The following ZFAND6 variants were observed in gnomAD, a reference collection of about 807,000 sequenced individuals.
ZFAND6 encodes zinc finger AN1-type containing 6.
Under a neutral mutation model 24.5 loss-of-function variants are expected in ZFAND6, and 12 were observed. The ratio of observed to expected loss-of-function variants is 0.49; its 90% CI spans 0.31 to 0.79. ZFAND6 has a LOEUF of 0.79. Ranked by LOEUF, ZFAND6 falls within the 30% of genes least tolerant of loss-of-function variation. ZFAND6 has a pLI of 0.04. For synonymous variants in ZFAND6, 92 were observed against 81.5 expected (o/e 1.13, Z -0.69); for missense variants, 207 against 245.9 (o/e 0.84, Z 1.06).
At chr15:80,076,750 C>G (rs996466729) in intron 1 of ZFAND6, among the ~76,000 whole-genome samples, 5 of 152,190 alleles carry the variant, frequency 3.3e-5, no homozygotes, top group African/African-American at 1.2e-4. Context: ...CCTTTACACA[C>G]TGAGCTGTGT....
rs139385200 is a variant in ZFAND6 at position 80,119,585 on chromosome 15, TA to T, written c.-17-734del. 5.6e-3 allele frequency among the ~76,000 whole-genome samples: 844 copies of T among 151,432 alleles called. 6 individuals are homozygous for T. Among genetic ancestry groups the T allele is most frequent in the African/African-American group, 0.019 (777 of 41,356 alleles). ...TTGTCATTTATATATCATGCTTTTTTAAAAAAAAACTGCATACATTCTAATG... is the reference window on the plus strand; with the variant it reads ...TTGTCATTTATATATCATGCTTTTTTAAAAAAAACTGCATACATTCTAATG... On this transcript the variant is annotated intron_variant, in intron 2 of 6. Transcript: ENST00000261749.
rs763380603 is a variant in ZFAND6, at chr15:80,120,328, G to A, written c.-17G>A. The A allele has an allele frequency of 6.5e-7, 1 of 1,532,348 alleles. No individual in the cohort carries two copies. The highest frequency in any genetic ancestry group is 1.9e-5 in the Admixed American group (1 of 51,328). 94.9% of individuals were successfully genotyped at this position (1,532,348 alleles called of 1,614,324 possible). On this transcript the variant is annotated splice_region_variant and 5_prime_UTR_variant, in exon 3 of 7. It adds an upstream start codon to the 5' untranslated region. Coordinates refer to ENST00000261749, the MANE Select transcript of ZFAND6 (RefSeq NM_019006.4). The stretch of plus-strand genomic sequence containing the variant: ...TTTGCTAATTTTATGTAATTTTCAG[G>A]TGTGCAACTGAGGAACATGGCTCAA...
intron 6 of ZFAND6, 102 bp from the exon 7 acceptor site, chr15:80,137,378 T>C: frequency 7.7e-7 from 1 of 1,305,810 alleles, no homozygotes; most frequent in East Asian, 2.7e-5. Flanking sequence ...TTCTTTAGTT[T>C]ACATTGCTGC....
At chr15:80,077,429 A>G (rs569599488) in intron 1 of ZFAND6, among the ~76,000 whole-genome samples, 145 of 152,306 alleles carry the variant, frequency 9.5e-4, no homozygotes, top group African/African-American at 3.3e-3. Context: ...CCTCTGTGCC[A>G]TTCCCCCTCT....
chr15:80,125,014 T>TA (rs1257083982), intron 5 of ZFAND6, among the ~76,000 whole-genome samples: 1 of 152,232 alleles, frequency 6.6e-6, no homozygotes, highest in Non-Finnish European at 1.5e-5. Context: ...CTCATACACT[T>TA]ACATGCAATT....
At chr15:80,087,241 T>A (rs987393623) in intron 1 of ZFAND6, among the ~76,000 whole-genome samples, 2 of 152,250 alleles carry the variant, frequency 1.3e-5, no homozygotes, top group Non-Finnish European at 2.9e-5. Context: ...CAAACTGTTT[T>A]CCCAAGTGGC....
intron 1 of ZFAND6, among the ~76,000 whole-genome samples, chr15:80,076,153 A>G (rs1026406509): frequency 2.0e-5 from 3 of 152,064 alleles, no homozygotes; most frequent in Admixed American, 2.0e-4. Context: ...CTCCAGTCCC[A>G]TATCTTTAAT....
At chr15:80,080,318 T>G (rs910972742) in intron 1 of ZFAND6, among the ~76,000 whole-genome samples, 1 of 152,184 alleles carries the variant, frequency 6.6e-6, no homozygotes, top group African/African-American at 2.4e-5. Flanking sequence ...TTTTCTTAAA[T>G]TTTGTAGATA....
At position 80,098,465 on chromosome 15, in the gene ZFAND6, T is replaced by C. The variant is rs1371631913; in HGVS notation, c.-131T>C. 1 of 152,230 alleles carries C rather than the reference T, an allele frequency of 6.6e-6. No individual in the cohort carries two copies. The highest frequency in any genetic ancestry group is 2.4e-5 in the African/African-American group (1 of 41,462). 9.4% of individuals were successfully genotyped at this position (152,230 alleles called of 1,614,324 possible). A position where few individuals can be genotyped will look rare whatever the true frequency, so the allele number is the denominator to read the frequency against. ...TAAAACACAGAAGGCTTTAAAATGT[T>C]TTCTTGCATAAAATTCAAAACTTTT... is the stretch of plus-strand genomic sequence containing the variant. On this transcript the variant is annotated 5_prime_UTR_variant, in exon 2 of 7. Coordinates refer to ENST00000261749, the MANE Select transcript of ZFAND6 (RefSeq NM_019006.4).
chr15:80,097,977 T>C (rs892590821), intron 1 of ZFAND6, among the ~76,000 whole-genome samples: 1 of 152,220 alleles, frequency 6.6e-6, no homozygotes, highest in Non-Finnish European at 1.5e-5. Context: ...GTCAGCAACA[T>C]GGCTCCTCCT....
intron 1 of ZFAND6, among the ~76,000 whole-genome samples, chr15:80,093,591 G>A (rs952230433): frequency 2.9e-4 from 44 of 152,140 alleles, no homozygotes; most frequent in African/African-American, 1.0e-3. Flanking sequence ...CGGGCATGGT[G>A]GCGCATGCCT....
chr15:80,108,318 T>G (rs2039439682), intron 2 of ZFAND6, among the ~76,000 whole-genome samples: 1 of 151,738 alleles, frequency 6.6e-6, no homozygotes, highest in African/African-American at 2.4e-5. Flanking sequence ...AGGTTTTGGG[T>G]GGAGGGGTTG....
chr15:80,102,627 A>T (rs971570696), intron 2 of ZFAND6, among the ~76,000 whole-genome samples: 1 of 152,194 alleles, frequency 6.6e-6, no homozygotes, highest in African/African-American at 2.4e-5. Context: ...ACATTAATTT[A>T]GAGTCTTTCA....
At chr15:80,096,561 T>TA (rs1302853162) in intron 1 of ZFAND6, among the ~76,000 whole-genome samples, 1 of 152,242 alleles carries the variant, frequency 6.6e-6, no homozygotes, top group African/African-American at 2.4e-5. Flanking sequence ...AGTCATCTCT[T>TA]ACAGCATAGC....
intron 1 of ZFAND6, chr15:80,075,301 C>T (rs2037208738): frequency 4.0e-6 from 1 of 249,616 alleles, no homozygotes; most frequent in Admixed American, 5.7e-5. Context: ...TTATTGCTAC[C>T]AAATAGAGAT....
At chr15:80,104,870 T>C (rs2039238034) in intron 2 of ZFAND6, among the ~76,000 whole-genome samples, 1 of 152,238 alleles carries the variant, frequency 6.6e-6, no homozygotes, top group South Asian at 2.1e-4. Flanking sequence ...TTTTGCCTAC[T>C]TTTGATATCA....
At chr15:80,118,757 A>T (rs374565149) in intron 2 of ZFAND6, among the ~76,000 whole-genome samples, 13 of 152,104 alleles carry the variant, frequency 8.5e-5, no homozygotes, top group African/African-American at 3.1e-4. Flanking sequence ...CAACAGTTTT[A>T]GGACTTTTTT....
At chr15:80,133,451 T>C (rs1193116727) in intron 6 of ZFAND6, among the ~76,000 whole-genome samples, 1 of 152,084 alleles carries the variant, frequency 6.6e-6, no homozygotes, top group Non-Finnish European at 1.5e-5. Flanking sequence ...CACCTCAGCC[T>C]CCCAAAGTGC....
intron 6 of ZFAND6, among the ~76,000 whole-genome samples, chr15:80,132,297 G>C (rs1373104350): frequency 6.6e-6 from 1 of 152,124 alleles, no homozygotes; most frequent in East Asian, 1.9e-4. Context: ...GGCATGTCTT[G>C]AATGTGTAAA....
Sources: allele counts gnomAD v4.1 joint callset (sites outside exome capture counted in the v4.1 genomes callset), GRCh38; gene constraint gnomAD v4.1.1; transcripts MANE v1.5; gene names NCBI Gene and HGNC (gene_info 2026-07-23, HGNC 2026-07-21).